Variants in CACHD1 observed in about 807,000 individuals in gnomAD.
The protein encoded by CACHD1 is VWFA and cache domain-containing protein 1.
A neutral mutation model predicts 138.7 loss-of-function variants in CACHD1; 71 were observed. That is an observed-to-expected ratio of 0.51 (90% confidence interval 0.42 to 0.62). The LOEUF is 0.62. CACHD1 is among the 20% of genes least tolerant of loss of function. CACHD1 has a pLI of 0.00. For missense variants in CACHD1, 1,389 were observed against 1,625.3 expected (o/e 0.85, Z 2.50); for synonymous variants, 578 against 591.5 (o/e 0.98, Z 0.33).
At position 64,598,318 on chromosome 1, in the gene CACHD1, T is replaced by G. The variant is rs140069779; in HGVS notation, c.411-4488T>G. 2.1e-3 allele frequency among the ~76,000 whole-genome samples: 319 copies of G among 152,322 alleles called. 2 individuals carry two copies. The highest frequency in any genetic ancestry group is 7.2e-3 in the African/African-American group (298 of 41,580). Reference sequence around the variant, plus strand: ...GCAGAGTGAGGTTGATTTCTAGGCTTTTCATGCTAACTTGACTGGCGAGTG... The same window carrying G: ...GCAGAGTGAGGTTGATTTCTAGGCTGTTCATGCTAACTTGACTGGCGAGTG... On this transcript the variant is annotated intron_variant, in intron 3 of 26. Transcript: ENST00000651257.
intron 2 of CACHD1, among the ~76,000 whole-genome samples, chr1:64,577,890 G>A (rs2100527769): frequency 6.6e-6 from 1 of 152,236 alleles, no homozygotes. Flanking sequence ...GAAGAATGCA[G>A]CTGAAGGCCC....
chr1:64,679,987 G>A (rs1650118994), intron 24 of CACHD1, among the ~76,000 whole-genome samples: 1 of 152,208 alleles, frequency 6.6e-6, no homozygotes. Flanking sequence ...TTAGCCCCCA[G>A]TGGCCTGCCT....
intron 1 of CACHD1, among the ~76,000 whole-genome samples, chr1:64,543,398 A>AAT (rs1553131362): frequency 3.8e-5 from 2 of 53,074 alleles, no homozygotes; most frequent in African/African-American, 1.6e-4. Context: ...TCTAAAAAAA[A>AAT]ATACATATAT....
chr1:64,573,162 G>A (rs1646939169), intron 2 of CACHD1, among the ~76,000 whole-genome samples: 1 of 152,202 alleles, frequency 6.6e-6, no homozygotes, highest in African/African-American at 2.4e-5. Flanking sequence ...GGTATTTGGA[G>A]GTGGGGCCTT....
At chr1:64,632,790 T>A in intron 6 of CACHD1, 47 bp downstream of exon 6, 1 of 1,607,418 alleles carries the variant, frequency 6.2e-7, no homozygotes, top group East Asian at 2.2e-5. Context: ...TCTCCTTGAA[T>A]GCCTTTTTTA....
chr1:64,632,157 A>G (rs1282012341), intron 5 of CACHD1, among the ~76,000 whole-genome samples: 6 of 151,442 alleles, frequency 4.0e-5, no homozygotes, highest in Non-Finnish European at 8.8e-5. Flanking sequence ...AATACCAAGC[A>G]GAGGTTGTGC....
chr1:64,606,659 A>C (rs1162994938), intron 4 of CACHD1, among the ~76,000 whole-genome samples: 1 of 152,230 alleles, frequency 6.6e-6, no homozygotes, highest in Non-Finnish European at 1.5e-5. Context: ...GCAAAGGTAG[A>C]AGTAGGGGAA....
intron 1 of CACHD1, among the ~76,000 whole-genome samples, chr1:64,548,027 A>T (rs1646731067): frequency 6.6e-6 from 1 of 152,244 alleles, no homozygotes; most frequent in African/African-American, 2.4e-5. Flanking sequence ...TTATGTCATA[A>T]AAAGATCTAC....
At chr1:64,677,403 A>G (rs915423490) in intron 22 of CACHD1, among the ~76,000 whole-genome samples, 1 of 152,172 alleles carries the variant, frequency 6.6e-6, no homozygotes, top group African/African-American at 2.4e-5. Flanking sequence ...AGAACTAAAA[A>G]CTACATGTTC....
intron 16 of CACHD1, among the ~76,000 whole-genome samples, chr1:64,670,690 TG>T (rs1649783825): frequency 6.6e-6 from 1 of 152,240 alleles, no homozygotes; most frequent in South Asian, 2.1e-4. Context: ...TCAACTTCAC[TG>T]TTTAGTTTTC....
At chr1:64,625,513 G>T (rs1397069549) in intron 4 of CACHD1, among the ~76,000 whole-genome samples, 1 of 152,048 alleles carries the variant, frequency 6.6e-6, no homozygotes, top group Non-Finnish European at 1.5e-5. Context: ...TGTAATCCCA[G>T]CTACTTGGGC....
intron 4 of CACHD1, among the ~76,000 whole-genome samples, chr1:64,616,417 A>G (rs1647708955): frequency 6.6e-6 from 1 of 152,168 alleles, no homozygotes. Flanking sequence ...AAGTGCTGTG[A>G]TGATAAAGGT....
chr1:64,572,684 C>T (rs947679716), intron 2 of CACHD1, among the ~76,000 whole-genome samples: 11 of 152,130 alleles, frequency 7.2e-5, no homozygotes, highest in Admixed American at 4.6e-4. Flanking sequence ...CAGCACTTGC[C>T]TCCTGTTTTT....
At chr1:64,618,734 G>A (rs775921092) in intron 4 of CACHD1, among the ~76,000 whole-genome samples, 1 of 152,204 alleles carries the variant, frequency 6.6e-6, no homozygotes, top group Non-Finnish European at 1.5e-5. Flanking sequence ...AATGTTTGCT[G>A]TTGTACAGAA....
At chr1:64,635,515 C>T (rs1648494699) in intron 7 of CACHD1, among the ~76,000 whole-genome samples, 1 of 150,808 alleles carries the variant, frequency 6.6e-6, no homozygotes, top group African/African-American at 2.4e-5. Context: ...TCCTGAGTAG[C>T]TGGGATTACA....
chr1:64,549,796 T>TTA (rs201013575), intron 1 of CACHD1, among the ~76,000 whole-genome samples: 1,567 of 104,850 alleles, frequency 0.015, 30 homozygotes, highest in African/African-American at 0.05. Context: ...GCTCTTTTTA[T>TTA]TTTTTTTATT....
chr1:64,640,330 A>G (rs1320517435), intron 7 of CACHD1, among the ~76,000 whole-genome samples: 1 of 152,202 alleles, frequency 6.6e-6, no homozygotes, highest in Non-Finnish European at 1.5e-5. Context: ...AGTGTATAAC[A>G]TATTATATAA....
At chr1:64,547,365 T>C (rs1216158732) in intron 1 of CACHD1, among the ~76,000 whole-genome samples, 2 of 152,088 alleles carry the variant, frequency 1.3e-5, no homozygotes, top group African/African-American at 4.8e-5. Flanking sequence ...TTTTTGTTGT[T>C]GTTTTGTTTG....
chr1:64,470,160 G>T lies in CACHD1; in HGVS notation c.-585G>T, dbSNP rs1646132590. Among the ~76,000 whole-genome samples, 1 of 152,070 alleles carries T rather than the reference G, an allele frequency of 6.6e-6. No homozygotes were observed. Among genetic ancestry groups the T allele is most frequent in the Non-Finnish European group, 1.5e-5 (1 of 67,986 alleles). ...GAAGTGCACAGAGCCGGAGCGCAGCGTGGTGGCACCAGACGCCTCCCTTTC... is the reference window on the plus strand; with the variant it reads ...GAAGTGCACAGAGCCGGAGCGCAGCTTGGTGGCACCAGACGCCTCCCTTTC... On this transcript the variant is annotated 5_prime_UTR_variant, in exon 1 of 27. Coordinates refer to ENST00000651257, the MANE Select transcript of CACHD1 (RefSeq NM_020925.4). This position sits in a 1 kb window ranked among gnomAD's most constrained non-coding sequence, Gnocchi z 5.2.
Sources: gnomAD v4.1 joint callset for allele counts (sites outside exome capture counted in the v4.1 genomes callset) on GRCh38, gnomAD v4.1.1 for gene constraint, Gnocchi (gnomAD v3.1) non-coding constraint, MANE v1.5 for transcripts, NCBI Gene and HGNC (gene_info 2026-07-23, HGNC 2026-07-21) for gene names.